Variants in SIPA1L2 observed in about 807,000 individuals in gnomAD.
SIPA1L2 encodes signal induced proliferation associated 1 like 2, also known as signal-induced proliferation-associated 1-like protein 2.
In SIPA1L2, 56 loss-of-function variants were observed where a neutral mutation model predicts 163.9. That is an observed-to-expected ratio of 0.34 (90% CI 0.28 to 0.43). The LOEUF (loss-of-function observed/expected upper bound fraction) is 0.43. Ranked by LOEUF, SIPA1L2 falls within the 20% of genes least tolerant of loss-of-function variation. The pLI, the probability that SIPA1L2 is intolerant of heterozygous loss-of-function variation, is 1.00. For missense variants in SIPA1L2, 1,974 were observed against 2,193.5 expected (o/e 0.90, Z 2.00); for synonymous variants, 877 against 865.7 (o/e 1.01, Z -0.23).
chr1:232,499,681 T>C (rs192057478), intron 3 of SIPA1L2, among the ~76,000 whole-genome samples: 2 of 152,182 alleles, frequency 1.3e-5, no homozygotes, highest in Non-Finnish European at 2.9e-5. Context: ...CAGATGACAG[T>C]GGCTACGATA....
At chr1:232,503,704 C>T (rs917246894) in intron 3 of SIPA1L2, among the ~76,000 whole-genome samples, 5 of 152,358 alleles carry the variant, frequency 3.3e-5, no homozygotes, top group Admixed American at 6.5e-5. Flanking sequence ...GTTCTCTCAA[C>T]CACTAGTTGA....
intron 1 of SIPA1L2, among the ~76,000 whole-genome samples, chr1:232,603,207 C>A (rs1661698192): frequency 1.3e-5 from 2 of 152,088 alleles, no homozygotes; most frequent in Non-Finnish European, 2.9e-5. Context: ...GGGGGGAAGA[C>A]AACAGATCCG....
chr1:232,460,832 AC>A (rs1664194645), intron 10 of SIPA1L2, 54 bp downstream of exon 10: 1 of 1,575,450 alleles, frequency 6.3e-7, no homozygotes, highest in South Asian at 1.2e-5. Context: ...GAGGACAGCC[AC>A]CTGCTACAGA....
intron 9 of SIPA1L2, 80 bp from the exon 10 acceptor site, chr1:232,461,241 C>T (rs1187153828): frequency 3.9e-6 from 6 of 1,542,608 alleles, no homozygotes; most frequent in African/African-American, 1.4e-5. Context: ...ACGTATGGGC[C>T]TCCATGCCAG....
intron 16 of SIPA1L2, among the ~76,000 whole-genome samples, chr1:232,431,211 T>A (rs1662219574): frequency 6.6e-6 from 1 of 152,234 alleles, no homozygotes; most frequent in South Asian, 2.1e-4. Context: ...AAGACTCTTA[T>A]TAGACAGAAA....
At chr1:232,519,078 C>T (rs1430414841) in intron 2 of SIPA1L2, among the ~76,000 whole-genome samples, 3 of 152,126 alleles carry the variant, frequency 2.0e-5, no homozygotes, top group Admixed American at 6.5e-5. Flanking sequence ...TTGCTCCATG[C>T]CATTTTCCCA....
At chr1:232,534,165 C>A (rs1657161161) in intron 2 of SIPA1L2, among the ~76,000 whole-genome samples, 1 of 151,864 alleles carries the variant, frequency 6.6e-6, no homozygotes, top group South Asian at 2.1e-4. Flanking sequence ...GTAATCAAAA[C>A]ACTGTGGCAT....
rs575070156 is a variant in SIPA1L2 at position 232,557,118 on chromosome 1, C to T, written c.-270+17056G>A. Among the ~76,000 whole-genome samples, 4 of 152,312 alleles carry T rather than the reference C, an allele frequency of 2.6e-5. No homozygotes were observed. In the East Asian group the frequency reaches 7.7e-4, roughly 29 times the overall value. On this transcript the variant is annotated intron_variant, in intron 2 of 22. Coordinates refer to ENST00000674635, the MANE Select transcript of SIPA1L2 (RefSeq NM_020808.5). ...GAGGTGAGAGGCTGACACTGCACAGCGCCTGTGTAATCCACAGTAGGTTAT... is the reference window on the plus strand; with the variant it reads ...GAGGTGAGAGGCTGACACTGCACAGTGCCTGTGTAATCCACAGTAGGTTAT...
chr1:232,628,749 G>A (rs1342117805), intron 1 of SIPA1L2, among the ~76,000 whole-genome samples: 1 of 152,022 alleles, frequency 6.6e-6, no homozygotes, highest in Non-Finnish European at 1.5e-5. Flanking sequence ...ACACAAACGC[G>A]ACTCAAATGG....
chr1:232,558,592 G>A (rs1425388876), intron 2 of SIPA1L2, among the ~76,000 whole-genome samples: 2 of 152,142 alleles, frequency 1.3e-5, no homozygotes, highest in East Asian at 3.9e-4. Context: ...TTTGGTTAAA[G>A]CAACCAAGTC....
At chr1:232,547,522 G>C (rs144185062) in intron 2 of SIPA1L2, among the ~76,000 whole-genome samples, 3 of 114,456 alleles carry the variant, frequency 2.6e-5, no homozygotes, top group South Asian at 3.1e-4. Flanking sequence ...CAGAGCCATC[G>C]TTTTCACAGT....
intron 1 of SIPA1L2, among the ~76,000 whole-genome samples, chr1:232,594,190 C>T (rs1021343723): frequency 6.6e-6 from 1 of 152,138 alleles, no homozygotes; most frequent in African/African-American, 2.4e-5. Context: ...GAGTGTGACT[C>T]CTACTGATTC....
At chr1:232,552,981 G>A (rs1168853868) in intron 2 of SIPA1L2, among the ~76,000 whole-genome samples, 2 of 152,112 alleles carry the variant, frequency 1.3e-5, no homozygotes, top group African/African-American at 4.8e-5. Flanking sequence ...AGCCCCAGTG[G>A]GCATGCTTTT....
chr1:232,582,502 A>G lies in SIPA1L2; in HGVS notation c.-318-8280T>C, dbSNP rs77126480. Among the ~76,000 whole-genome samples, 275 of 152,286 alleles carry G rather than the reference A, an allele frequency of 1.8e-3. 1 individual carries two copies. Among genetic ancestry groups the G allele is most frequent in the African/African-American group, 5.1e-3 (214 of 41,564 alleles). On this transcript the variant is annotated intron_variant, in intron 1 of 22. Transcript: ENST00000674635. ...ACGACGTGATTTCATTCTTTTCATG[A>G]CTACACAGTATTCCATAGTGTATAT...
At chr1:232,463,152 C>T (rs1664329195) in intron 9 of SIPA1L2, among the ~76,000 whole-genome samples, 1 of 152,212 alleles carries the variant, frequency 6.6e-6, no homozygotes, top group Non-Finnish European at 1.5e-5. Context: ...AGAGCGGGTC[C>T]CTGTGCAACT....
At chr1:232,441,174 AG>A in intron 14 of SIPA1L2, 116 bp downstream of exon 14, 1 of 726,840 alleles carries the variant, frequency 1.4e-6, no homozygotes, top group Non-Finnish European at 2.2e-6. Flanking sequence ...CTCACCTCTA[AG>A]AGCCCTGTGA....
chr1:232,480,183 GTGTGTGTGTT>G (rs1177031058), intron 6 of SIPA1L2, among the ~76,000 whole-genome samples: 1,498 of 138,424 alleles, frequency 0.011, 30 homozygotes, highest in African/African-American at 0.038. Context: ...GTGTGTGTGT[GTGTGTGTGTT>G]TTTACAGTTA....
chr1:232,507,110 AGG>A (rs1479837894), intron 3 of SIPA1L2, among the ~76,000 whole-genome samples: 1 of 151,742 alleles, frequency 6.6e-6, no homozygotes, highest in Non-Finnish European at 1.5e-5. Context: ...TTTTCTGTAC[AGG>A]ATTCCACCCA....
intron 10 of SIPA1L2, among the ~76,000 whole-genome samples, chr1:232,446,961 C>A (rs935677576): frequency 2.0e-5 from 3 of 152,180 alleles, no homozygotes; most frequent in Admixed American, 2.0e-4. Flanking sequence ...TACTCTGATT[C>A]ATTTTTTAAG....
Sources: allele counts gnomAD v4.1 joint callset (sites outside exome capture counted in the v4.1 genomes callset), GRCh38; gene constraint gnomAD v4.1.1; transcripts MANE v1.5; gene names NCBI Gene and HGNC (gene_info 2026-07-23, HGNC 2026-07-21).